Variants in CALD1 observed in about 807,000 individuals in gnomAD.
CALD1 encodes caldesmon 1, also known as caldesmon.
In CALD1, 33 loss-of-function variants were observed where a neutral mutation model predicts 99.9. The ratio of observed to expected loss-of-function variants is 0.33; its 90% CI spans 0.25 to 0.44. CALD1 has a LOEUF of 0.44. Among genes scored for constraint, CALD1 ranks in the 20% least tolerant of loss-of-function variants. The pLI is 1.00. For synonymous variants in CALD1, 310 were observed against 325.0 expected (o/e 0.95, Z 0.50); for missense variants, 861 against 962.1 (o/e 0.89, Z 1.39).
chr7:134,914,007 C>A (rs1804022374), intron 3 of CALD1, among the ~76,000 whole-genome samples: 1 of 152,120 alleles, frequency 6.6e-6, no homozygotes, highest in African/African-American at 2.4e-5. Flanking sequence ...TTTTATGAGT[C>A]ATTTCACCTC....
chr7:134,950,703 C>T (rs570208924), intron 9 of CALD1, among the ~76,000 whole-genome samples, 189 bp downstream of exon 9: 1 of 152,288 alleles, frequency 6.6e-6, no homozygotes, highest in Non-Finnish European at 1.5e-5. Context: ...TGCCTGTAAT[C>T]CCAGCACTTT....
In CALD1 at chr7:134,901,962, C is replaced by T. The variant is rs571591886; in HGVS notation, c.72-26792C>T. On this transcript the variant is annotated intron_variant, in intron 3 of 14. Coordinates refer to ENST00000361675, the MANE Select transcript of CALD1 (RefSeq NM_033138.4). ...CATCCTGAGGTACTGGGGGTTAAGA[C>T]TTTAACATATATTTGGAGGTGGAGT... Among the ~76,000 whole-genome samples, 7 of 152,144 alleles carry T rather than the reference C, an allele frequency of 4.6e-5. No individual in the cohort carries two copies. The South Asian group carries it at 1.5e-3, about 32-fold the overall frequency.
intron 2 of CALD1, among the ~76,000 whole-genome samples, chr7:134,851,550 T>C (rs13240924): frequency 0.6 from 91,170 of 152,026 alleles, 27,796 homozygotes; most frequent in East Asian, 0.91. Context: ...GTTATGCTGG[T>C]GTCAGAAACA....
chr7:134,903,800 G>A (rs76430452), intron 3 of CALD1, among the ~76,000 whole-genome samples: 2,133 of 152,150 alleles, frequency 0.014, 66 homozygotes, highest in African/African-American at 0.049. Flanking sequence ...TCCAAATAAG[G>A]CCACATTCTA....
chr7:134,733,052 G>T, the CALD1 span, among the ~76,000 whole-genome samples: 1 of 152,204 alleles, frequency 6.6e-6, no homozygotes, highest in Non-Finnish European at 1.5e-5. Flanking sequence ...CTCCTATTGG[G>T]ACTGCAGGGG....
At chr7:134,794,257 C>T (rs1280019190) in intron 1 of CALD1, among the ~76,000 whole-genome samples, 2 of 152,138 alleles carry the variant, frequency 1.3e-5, no homozygotes, top group African/African-American at 2.4e-5. Context: ...GTTACTGTTA[C>T]GGAGGCATGT....
chr7:134,880,377 T>C (rs917699086), intron 3 of CALD1, among the ~76,000 whole-genome samples: 1 of 152,170 alleles, frequency 6.6e-6, no homozygotes, highest in African/African-American at 2.4e-5. Context: ...GAAGGTTTTC[T>C]GGAGGTGGGG....
At chr7:134,830,702 G>T (rs766776095) in intron 1 of CALD1, among the ~76,000 whole-genome samples, 2 of 152,088 alleles carry the variant, frequency 1.3e-5, no homozygotes, top group African/African-American at 2.4e-5. Flanking sequence ...TAAGGATAAT[G>T]GCCACCAACT....
At chr7:134,792,334 G>A (rs1439984816) in intron 1 of CALD1, among the ~76,000 whole-genome samples, 4 of 144,576 alleles carry the variant, frequency 2.8e-5, no homozygotes, top group African/African-American at 7.8e-5. Flanking sequence ...TTATTGCCCA[G>A]GCTGGAGAGC....
intron 3 of CALD1, among the ~76,000 whole-genome samples, chr7:134,920,136 C>T (rs1462072541): frequency 2.0e-5 from 3 of 152,170 alleles, no homozygotes; most frequent in African/African-American, 7.2e-5. Flanking sequence ...GCAAATATGA[C>T]TCATTTCAGT....
intron 3 of CALD1, among the ~76,000 whole-genome samples, chr7:134,912,073 G>A (rs2132709467): frequency 6.6e-6 from 1 of 152,222 alleles, no homozygotes; most frequent in Non-Finnish European, 1.5e-5. Flanking sequence ...ATCAAAGAGA[G>A]CAAGAGAGTA....
intron 1 of CALD1, among the ~76,000 whole-genome samples, chr7:134,761,435 C>T (rs571535602): frequency 2.7e-5 from 4 of 150,608 alleles, no homozygotes; most frequent in South Asian, 2.2e-4. Flanking sequence ...AATTTGCAGT[C>T]GATTAATTTA....
At chr7:134,825,796 CA>C (rs1798964950) in intron 1 of CALD1, among the ~76,000 whole-genome samples, 1 of 152,068 alleles carries the variant, frequency 6.6e-6, no homozygotes, top group South Asian at 2.1e-4. Flanking sequence ...TTTTTAGACC[CA>C]GGGGTCAGAG....
intron 3 of CALD1, among the ~76,000 whole-genome samples, chr7:134,916,402 T>A (rs1344884845): frequency 6.6e-6 from 1 of 152,060 alleles, no homozygotes; most frequent in East Asian, 1.9e-4. Flanking sequence ...AGGAAATGAA[T>A]AGTAAATCTT....
chr7:134,935,106 T>G (rs966939509), intron 5 of CALD1, among the ~76,000 whole-genome samples: 2 of 152,156 alleles, frequency 1.3e-5, no homozygotes, highest in African/African-American at 4.8e-5. Flanking sequence ...ACATGCTGCT[T>G]CTTTATTATC....
intron 1 of CALD1, among the ~76,000 whole-genome samples, chr7:134,785,155 G>C (rs1377293): frequency 0.31 from 46,733 of 151,986 alleles, 7,618 homozygotes; most frequent in East Asian, 0.62. Flanking sequence ...TTTGAATTTT[G>C]AGGTGAATAA....
At chr7:134,940,894 A>G (rs1008533389) in intron 6 of CALD1, among the ~76,000 whole-genome samples, 198 bp from the exon 7 acceptor site, 1 of 152,222 alleles carries the variant, frequency 6.6e-6, no homozygotes, top group Non-Finnish European at 1.5e-5. Flanking sequence ...AAATTGTGGT[A>G]AAGGTGTTTG....
intron 3 of CALD1, among the ~76,000 whole-genome samples, chr7:134,879,107 G>A (rs915868610): frequency 6.6e-6 from 1 of 152,234 alleles, no homozygotes; most frequent in Non-Finnish European, 1.5e-5. Context: ...GGTGGAACTG[G>A]CAGACAGAAA....
chr7:134,826,872 C>T (rs1330352920), intron 1 of CALD1, among the ~76,000 whole-genome samples: 1 of 152,160 alleles, frequency 6.6e-6, no homozygotes, highest in Non-Finnish European at 1.5e-5. Context: ...CCAACCTCTA[C>T]CTGCTTAACT....
Sources: gnomAD v4.1 joint callset for allele counts (sites outside exome capture counted in the v4.1 genomes callset) on GRCh38, gnomAD v4.1.1 for gene constraint, MANE v1.5 for transcripts, NCBI Gene and HGNC (gene_info 2026-07-23, HGNC 2026-07-21) for gene names.